The following L3MBTL3 variants were observed in gnomAD, a reference collection of about 807,000 sequenced individuals.
The protein encoded by L3MBTL3 is lethal(3)malignant brain tumor-like protein 3.
A neutral mutation model predicts 102.3 loss-of-function variants in L3MBTL3; 27 were observed. That is an observed-to-expected ratio of 0.26 (90% CI 0.19 to 0.36). The LOEUF is 0.36. L3MBTL3 is among the 10% of genes least tolerant of loss of function. The pLI is 1.00. For missense variants in L3MBTL3, 798 were observed against 955.3 expected, an observed-to-expected ratio of 0.84 and a Z score of 2.17; for synonymous variants, 340 against 320.9, an observed-to-expected ratio of 1.06 and a Z score of -0.64.
At chr6:130,118,529 T>C (rs1028818597) in intron 19 of L3MBTL3, among the ~76,000 whole-genome samples, 1 of 152,186 alleles carries the variant, frequency 6.6e-6, no homozygotes, top group Non-Finnish European at 1.5e-5. Context: ...TTCCACTCTC[T>C]AGCTAAAGGA....
chr6:130,112,910 T>A (rs1785444631), intron 19 of L3MBTL3, among the ~76,000 whole-genome samples: 1 of 152,134 alleles, frequency 6.6e-6, no homozygotes, highest in African/African-American at 2.4e-5. Flanking sequence ...ATGAGGAGTG[T>A]CTTTTGTGCC....
rs139205810 is a variant in L3MBTL3 at position 130,066,424 on chromosome 6, C to T, written c.936C>T (p.Asp312=). The T allele has an allele frequency of 3.0e-5, 49 of 1,611,320 alleles. No individual in the cohort carries two copies. Among genetic ancestry groups the T allele is most frequent in the African/African-American group, 2.3e-4 (17 of 74,822 alleles). ...SDCYDFWVNA[D]ALDIHPVGWC... is the part of the protein sequence containing the mutation. ...GCTATGACTTCTGGGTGAATGCAGACGCTCTGGATATCCACCCAGTTGGGT... is the reference window on the plus strand; with the variant it reads ...GCTATGACTTCTGGGTGAATGCAGATGCTCTGGATATCCACCCAGTTGGGT... The change falls in exon 11 of 23, where the codon GAC becomes GAT. Residue 312 remains aspartate, a synonymous_variant. Transcript: ENST00000361794.
intron 10 of L3MBTL3, among the ~76,000 whole-genome samples, 179 bp from the exon 11 acceptor site, chr6:130,066,174 A>T (rs1782236836): frequency 1.3e-5 from 2 of 151,920 alleles, no homozygotes; most frequent in Admixed American, 1.3e-4. Flanking sequence ...CCACTTTAAT[A>T]GCTTTTGTCT....
chr6:130,125,696 G>T (rs1025167967), intron 20 of L3MBTL3, among the ~76,000 whole-genome samples: 3 of 152,132 alleles, frequency 2.0e-5, no homozygotes, highest in African/African-American at 7.2e-5. Context: ...CATTCCTCCA[G>T]TGGCAGAAGC....
At chr6:130,019,319 G>A (rs1451299850) in intron 1 of L3MBTL3, 1 of 145,636 alleles carries the variant, frequency 6.9e-6, no homozygotes, top group African/African-American at 2.5e-5. Flanking sequence ...GGCGGGGGGC[G>A]CGGGGGCGGC....
intron 2 of L3MBTL3, among the ~76,000 whole-genome samples, chr6:130,036,835 T>C (rs1174711041): frequency 6.6e-6 from 1 of 152,220 alleles, no homozygotes; most frequent in Non-Finnish European, 1.5e-5. Flanking sequence ...AGGTGTACCA[T>C]ATTCTGGTGA....
intron 2 of L3MBTL3, among the ~76,000 whole-genome samples, chr6:130,039,064 T>G (rs1357941450): frequency 6.6e-6 from 1 of 152,146 alleles, no homozygotes; most frequent in Non-Finnish European, 1.5e-5. Flanking sequence ...GAGACTGCAC[T>G]TTTAAAAATC....
rs946993833 is a variant in L3MBTL3, at chr6:130,058,187, C to T, written c.759+690C>T. On this transcript the variant is annotated intron_variant, in intron 9 of 22. Coordinates refer to ENST00000361794, the MANE Select transcript of L3MBTL3 (RefSeq NM_032438.4). ...AAAAAAAAAAAAAAATGAGTTACTA[C>T]GATTTACATATTATCACAGCAAAAC... Among the ~76,000 whole-genome samples the T allele has an allele frequency of 3.4e-5, 5 of 147,744 alleles. No homozygotes were observed. In the South Asian group the frequency reaches 8.5e-4, roughly 25 times the overall value.
Position 130,133,585 on chromosome 6 carries a change from C to T in L3MBTL3, c.2100C>T (p.Ile700=). ...QSKLLPTVAG[I]PASKVSKWST... is the part of the protein sequence containing the mutation. ...AACTTCTTCCAACTGTCGCAGGAAT[C>T]CCTGCCAGTAAAGTTTCCAAATGGA... The change falls in exon 21 of 23, where the codon ATC becomes ATT. Residue 700 remains isoleucine, a synonymous_variant. Coordinates refer to ENST00000361794, the MANE Select transcript of L3MBTL3 (RefSeq NM_032438.4). This position sits in a 1 kb window ranked among gnomAD's most constrained non-coding sequence, Gnocchi z 4.9. The T allele has an allele frequency of 3.1e-6, 5 of 1,614,004 alleles. No individual in the cohort carries two copies. Among genetic ancestry groups the T allele is most frequent in the Non-Finnish European group, 4.2e-6 (5 of 1,180,002 alleles).
At chr6:130,121,465 G>A (rs1295488563) in intron 20 of L3MBTL3, among the ~76,000 whole-genome samples, 3 of 151,786 alleles carry the variant, frequency 2.0e-5, no homozygotes, top group Non-Finnish European at 4.4e-5. Flanking sequence ...ATTCTTTTTT[G>A]CAGGCAGCAA....
At chr6:130,049,497 T>G in intron 4 of L3MBTL3, 104 bp downstream of exon 4, 1 of 791,956 alleles carries the variant, frequency 1.3e-6, no homozygotes, top group South Asian at 1.9e-5. Context: ...CCCGGGTAAT[T>G]TTTGTGCCTC....
chr6:130,065,835 C>A (rs1205062094), intron 10 of L3MBTL3, among the ~76,000 whole-genome samples: 1 of 152,158 alleles, frequency 6.6e-6, no homozygotes, highest in Non-Finnish European at 1.5e-5. Flanking sequence ...TTCTTAGGAG[C>A]CTGTCTCATC....
intron 19 of L3MBTL3, among the ~76,000 whole-genome samples, chr6:130,115,337 A>C (rs556260826): frequency 6.6e-6 from 1 of 152,310 alleles, no homozygotes; most frequent in Admixed American, 6.5e-5. Context: ...CGAGCTTCCT[A>C]ACCTGGTTGG....
intron 20 of L3MBTL3, among the ~76,000 whole-genome samples, chr6:130,131,585 T>G (rs7757534): frequency 0.045 from 6,916 of 152,168 alleles, 337 homozygotes; most frequent in African/African-American, 0.12. Context: ...AAGAAAGAAT[T>G]TGGGGCAAGT....
chr6:130,061,052 G>A (rs1313273893), intron 10 of L3MBTL3, among the ~76,000 whole-genome samples: 1 of 151,180 alleles, frequency 6.6e-6, no homozygotes, highest in African/African-American at 2.4e-5. Context: ...TGTGCCAGCG[G>A]CTAATCCAAG....
intron 6 of L3MBTL3, among the ~76,000 whole-genome samples, chr6:130,052,458 C>T (rs1326482988): frequency 7.9e-5 from 12 of 152,124 alleles, no homozygotes; most frequent in Admixed American, 7.9e-4. Flanking sequence ...TACACTTAGC[C>T]TTTTTTCAAT....
At chr6:130,066,565 A>C (rs558887694) in intron 11 of L3MBTL3, 77 bp downstream of exon 11, 117 of 1,298,312 alleles carry the variant, frequency 9.0e-5, no homozygotes, top group Middle Eastern at 7.6e-4. Context: ...AATTGTTAAG[A>C]ATTCAGACTT....
chr6:130,052,914 T>C lies in L3MBTL3; in HGVS notation c.505T>C (p.Cys169Arg), dbSNP rs1781195642. 1.2e-6 allele frequency: 2 copies of C among 1,613,884 alleles called. No homozygotes were observed. The highest frequency in any genetic ancestry group is 1.3e-5 in the African/African-American group (1 of 74,890). The stretch of plus-strand genomic sequence containing the variant: ...AGACAATGAGGAAGAAGATCCTAAG[T>C]GTAGTCGGAAGAAAAAACCAAAATT... ...EEDNEEEDPK[C>R]SRKKKPKLSL... Residue 169 changes from cysteine to arginine, a missense_variant, in exon 7 of 23, where the codon TGT becomes CGT. Coordinates refer to ENST00000361794, the MANE Select transcript of L3MBTL3 (RefSeq NM_032438.4).
intron 15 of L3MBTL3, among the ~76,000 whole-genome samples, chr6:130,085,715 T>G (rs1783641634): frequency 6.6e-6 from 1 of 152,172 alleles, no homozygotes; most frequent in African/African-American, 2.4e-5. Flanking sequence ...TTTTTCTGTC[T>G]TCTTTTATGA....
Sources: allele counts gnomAD v4.1 joint callset (sites outside exome capture counted in the v4.1 genomes callset), GRCh38; gene constraint gnomAD v4.1.1; non-coding constraint Gnocchi (gnomAD v3.1); transcripts MANE v1.5; gene names NCBI Gene and HGNC (gene_info 2026-07-23, HGNC 2026-07-21).